LRRC4C: variants seen among roughly 807,000 people sequenced by gnomAD.
LRRC4C encodes the protein leucine-rich repeat-containing protein 4C.
LRRC4C carries 5 observed loss-of-function variants against 33.6 expected under a neutral mutation model. That is an observed-to-expected ratio of 0.15 (90% CI 0.08 to 0.31). The LOEUF (loss-of-function observed/expected upper bound fraction) is 0.31, where lower values mean the gene tolerates loss of function less well. Among genes scored for constraint, LRRC4C ranks in the 10% least tolerant of loss-of-function variants. The pLI is 1.00. For missense variants in LRRC4C, 560 were observed against 796.7 expected (o/e 0.70, Z 3.58); for synonymous variants, 329 against 302.0 (o/e 1.09, Z -0.93).
At chr11:40,473,329 T>G (rs984128388) in intron 3 of LRRC4C, among the ~76,000 whole-genome samples, 17 of 152,116 alleles carry the variant, frequency 1.1e-4, no homozygotes, top group Non-Finnish European at 4.4e-5. Context: ...ATCCATCACA[T>G]AAACAGAACA....
intron 1 of LRRC4C, among the ~76,000 whole-genome samples, chr11:41,280,385 T>C (rs1395228968): frequency 6.6e-6 from 1 of 152,190 alleles, no homozygotes; most frequent in African/African-American, 2.4e-5. Context: ...GTTTTGGAAC[T>C]GGGGATCTAT....
chr11:40,271,481 T>C (rs1590874079), intron 4 of LRRC4C, among the ~76,000 whole-genome samples: 1 of 152,306 alleles, frequency 6.6e-6, no homozygotes, highest in South Asian at 2.1e-4. Context: ...AAAACTAGCA[T>C]AAACTGATAG....
intron 2 of LRRC4C, among the ~76,000 whole-genome samples, chr11:40,729,176 G>C (rs1449262540): frequency 6.6e-6 from 1 of 152,088 alleles, no homozygotes; most frequent in Non-Finnish European, 1.5e-5. Context: ...TTGTAAAAAT[G>C]CATGTTCAGT....
At chr11:40,463,568 G>A (rs1442946791) in intron 3 of LRRC4C, among the ~76,000 whole-genome samples, 2 of 151,982 alleles carry the variant, frequency 1.3e-5, no homozygotes, top group Admixed American at 1.3e-4. Flanking sequence ...TCAACAAAAG[G>A]CTGGAAATAA....
intron 1 of LRRC4C, among the ~76,000 whole-genome samples, chr11:41,041,928 T>C (rs1217282148): frequency 6.6e-6 from 1 of 152,172 alleles, no homozygotes; most frequent in African/African-American, 2.4e-5. Context: ...GGATCTGATT[T>C]GTTGGCCTTC....
intron 3 of LRRC4C, among the ~76,000 whole-genome samples, chr11:40,399,977 ACC>A (rs1313309981): frequency 6.6e-6 from 1 of 152,118 alleles, no homozygotes; most frequent in African/African-American, 2.4e-5. Flanking sequence ...CAAAATAAAG[ACC>A]AGTAGAGCAA....
chr11:40,175,056 A>G (rs927553007), intron 5 of LRRC4C, among the ~76,000 whole-genome samples: 1 of 152,208 alleles, frequency 6.6e-6, no homozygotes, highest in African/African-American at 2.4e-5. Flanking sequence ...CTACATGAAT[A>G]CATCTAGCTC....
chr11:40,896,439 G>A (rs1263400885), intron 2 of LRRC4C, among the ~76,000 whole-genome samples: 1 of 152,126 alleles, frequency 6.6e-6, no homozygotes, highest in African/African-American at 2.4e-5. Context: ...ATTAGCATGA[G>A]TGTACTTCAA....
At chr11:40,947,001 A>G (rs1490218670) in intron 1 of LRRC4C, among the ~76,000 whole-genome samples, 1 of 152,192 alleles carries the variant, frequency 6.6e-6, no homozygotes, top group Admixed American at 6.6e-5. Context: ...ATTAAACATA[A>G]TTGCCCCTGA....
intron 1 of LRRC4C, among the ~76,000 whole-genome samples, chr11:41,264,976 C>T (rs1053949277): frequency 1.1e-4 from 17 of 152,184 alleles, no homozygotes; most frequent in South Asian, 2.1e-4. Flanking sequence ...TTCTGTTTCC[C>T]ACATGCCATC....
chr11:41,114,143 G>A (rs762188071), intron 1 of LRRC4C, among the ~76,000 whole-genome samples: 1 of 151,844 alleles, frequency 6.6e-6, no homozygotes, highest in South Asian at 2.1e-4. Context: ...TGTAATGAAC[G>A]AAATGAAAAC....
chr11:40,411,227 T>C (rs996256649), intron 3 of LRRC4C, among the ~76,000 whole-genome samples: 3 of 152,126 alleles, frequency 2.0e-5, no homozygotes, highest in Non-Finnish European at 4.4e-5. Context: ...TAACAAAATG[T>C]GTGGCAAAAT....
chr11:41,242,920 G>T (rs1165732567), intron 1 of LRRC4C, among the ~76,000 whole-genome samples: 1 of 152,016 alleles, frequency 6.6e-6, no homozygotes, highest in Non-Finnish European at 1.5e-5. Flanking sequence ...TATTCACACA[G>T]CTAATTAACT....
At chr11:41,458,237 G>C (rs1328334432) in intron 1 of LRRC4C, among the ~76,000 whole-genome samples, 2 of 152,080 alleles carry the variant, frequency 1.3e-5, no homozygotes, top group African/African-American at 4.8e-5. Context: ...CACAGTAACA[G>C]TTCAAGTTGG....
At position 40,238,993 on chromosome 11, in the gene LRRC4C, C is replaced by T. The variant is rs142046993; in HGVS notation, c.-96+2526G>A. ...AGGGTATAAGCTGAATTCCAAAGAA[C>T]GACATTTAAATTTCAACATGGTACT... On this transcript the variant is annotated intron_variant, in intron 5 of 6. Transcript: ENST00000528697. Among the ~76,000 whole-genome samples the T allele has an allele frequency of 5.0e-3, 757 of 152,226 alleles. 4 individuals carry two copies. Among genetic ancestry groups the T allele is most frequent in the Middle Eastern group, 6.8e-3 (2 of 294 alleles).
intron 1 of LRRC4C, among the ~76,000 whole-genome samples, chr11:41,122,452 CA>C (rs900564337): frequency 1.3e-5 from 2 of 151,918 alleles, no homozygotes; most frequent in African/African-American, 4.8e-5. Context: ...AAAACTGCCT[CA>C]TATTTGAAAA....
At chr11:41,290,302 C>T (rs146520103) in intron 1 of LRRC4C, among the ~76,000 whole-genome samples, 336 of 152,206 alleles carry the variant, frequency 2.2e-3, no homozygotes, top group African/African-American at 7.9e-3. Flanking sequence ...AGCACTCCTG[C>T]CTTTCTATAC....
chr11:41,263,721 T>C (rs1949056584), intron 1 of LRRC4C, among the ~76,000 whole-genome samples: 2 of 152,166 alleles, frequency 1.3e-5, no homozygotes, highest in African/African-American at 4.8e-5. Flanking sequence ...AACAGTCAAC[T>C]TATTTGTTCA....
intron 2 of LRRC4C, among the ~76,000 whole-genome samples, chr11:40,692,613 C>T (rs1945271836): frequency 1.3e-5 from 2 of 151,956 alleles, no homozygotes; most frequent in Admixed American, 1.3e-4. Context: ...AACAAAAAGC[C>T]TTGAAAAGTT....
Sources: gnomAD v4.1 joint callset for allele counts (sites outside exome capture counted in the v4.1 genomes callset) on GRCh38, gnomAD v4.1.1 for gene constraint, MANE v1.5 for transcripts, NCBI Gene and HGNC (gene_info 2026-07-23, HGNC 2026-07-21) for gene names.